Variants in VPS13B observed in about 807,000 individuals in gnomAD.
The protein encoded by VPS13B is intermembrane lipid transfer protein VPS13B.
VPS13B carries 285 observed loss-of-function variants against 426.4 expected under a neutral mutation model. The ratio of observed to expected loss-of-function variants is 0.67; its 90% CI spans 0.61 to 0.74. The LOEUF is 0.74. Ranked by LOEUF, VPS13B falls within the 30% of genes least tolerant of loss-of-function variation. The pLI is 0.00. For missense variants in VPS13B, 4,537 were observed against 4,782.6 expected (o/e 0.95, Z 1.51); for synonymous variants, 1,676 against 1,676.4 (o/e 1.00, Z 0.01).
chr8:99,384,134 A>G (rs761836970), intron 19 of VPS13B, 74 bp from the exon 20 acceptor site: 11 of 1,200,732 alleles, frequency 9.2e-6, no homozygotes, highest in African/African-American at 7.5e-5. Context: ...GCTATCCTAC[A>G]TGGTGTAAAG....
intron 31 of VPS13B, among the ~76,000 whole-genome samples, chr8:99,561,116 C>G (rs1824899217): frequency 6.6e-6 from 1 of 152,130 alleles, no homozygotes; most frequent in Non-Finnish European, 1.5e-5. Flanking sequence ...CAACTACCAC[C>G]TCTGTCTAGT....
At chr8:99,556,725 T>C in intron 31 of VPS13B, 72 bp downstream of exon 31, 2 of 1,519,878 alleles carry the variant, frequency 1.3e-6, no homozygotes, top group Non-Finnish European at 1.8e-6. Flanking sequence ...ATACAATCTT[T>C]AGCATGTCCA....
intron 35 of VPS13B, among the ~76,000 whole-genome samples, chr8:99,676,318 G>A (rs544319051): frequency 3.3e-5 from 5 of 152,064 alleles, no homozygotes; most frequent in Non-Finnish European, 7.4e-5. Flanking sequence ...GAAACCAAAG[G>A]CCTTGTAGAC....
chr8:99,687,507 G>T (rs79840876), intron 35 of VPS13B, among the ~76,000 whole-genome samples: 1 of 151,976 alleles, frequency 6.6e-6, no homozygotes, highest in Non-Finnish European at 1.5e-5. Flanking sequence ...CAGAACTCAG[G>T]TTCTGCCCAC....
chr8:99,249,287 A>AT (rs1259504562), intron 17 of VPS13B, among the ~76,000 whole-genome samples: 1 of 152,094 alleles, frequency 6.6e-6, no homozygotes, highest in African/African-American at 2.4e-5. Context: ...TGAAGGACAT[A>AT]TTTGTTGTTT....
intron 17 of VPS13B, among the ~76,000 whole-genome samples, chr8:99,229,929 A>G (rs1329716449): frequency 2.0e-5 from 3 of 152,212 alleles, no homozygotes; most frequent in Non-Finnish European, 4.4e-5. Flanking sequence ...TAATGCAAAT[A>G]TATCTTGACT....
intron 17 of VPS13B, chr8:99,233,040 T>C: frequency 8.8e-7 from 1 of 1,132,972 alleles, no homozygotes; most frequent in Admixed American, 1.8e-5. Context: ...CTGATGCCTG[T>C]GGGAGGCCTC....
Position 99,746,142 on chromosome 8 carries a change from C to T in VPS13B, c.7051-20632C>T, listed in dbSNP as rs966118479. 3.9e-5 allele frequency among the ~76,000 whole-genome samples: 6 copies of T among 152,074 alleles called. No homozygotes were observed. The East Asian group carries it at 1.2e-3, about 29-fold the overall frequency. ...GTGGCCCACTCTGTCTTTATAATAT[C>T]GTTTAACATGTTTATCTATTCCCCC... is the stretch of plus-strand genomic sequence containing the variant. On this transcript the variant is annotated intron_variant, in intron 39 of 61. Coordinates refer to ENST00000357162, the MANE Select transcript of VPS13B (RefSeq NM_152564.5).
chr8:99,635,025 G>A (rs1829013809), intron 33 of VPS13B, among the ~76,000 whole-genome samples: 1 of 150,836 alleles, frequency 6.6e-6, no homozygotes, highest in Non-Finnish European at 1.5e-5. Context: ...GCATGCGACA[G>A]CCTCTCCCAA....
chr8:99,342,642 C>T (rs1811315994), intron 19 of VPS13B, among the ~76,000 whole-genome samples: 1 of 152,036 alleles, frequency 6.6e-6, no homozygotes, highest in Non-Finnish European at 1.5e-5. Flanking sequence ...ATCAGTTTAT[C>T]CGTTGATAGC....
chr8:99,477,766 T>C (rs761159105), intron 24 of VPS13B, among the ~76,000 whole-genome samples: 1 of 152,232 alleles, frequency 6.6e-6, no homozygotes, highest in Non-Finnish European at 1.5e-5. Context: ...ACTGTCTGTC[T>C]ATGTTATTCC....
At chr8:99,777,027 G>A (rs1008721159) in intron 41 of VPS13B, 71 bp downstream of exon 41, 1 of 1,527,508 alleles carries the variant, frequency 6.5e-7, no homozygotes, top group African/African-American at 1.4e-5. Context: ...GTTTTCAAAA[G>A]AGAAGTCAAC....
intron 35 of VPS13B, among the ~76,000 whole-genome samples, chr8:99,692,965 G>A (rs1831755372): frequency 1.3e-5 from 2 of 149,440 alleles, no homozygotes; most frequent in Non-Finnish European, 3.0e-5. Flanking sequence ...TACATTCCTT[G>A]ACACATACAC....
intron 43 of VPS13B, among the ~76,000 whole-genome samples, chr8:99,794,819 C>T (rs1463439290): frequency 1.3e-5 from 2 of 152,114 alleles, no homozygotes; most frequent in African/African-American, 2.4e-5. Flanking sequence ...TAGATAAGCC[C>T]TTCTCTACTT....
At chr8:99,720,742 A>G in intron 38 of VPS13B, 121 bp from the exon 39 acceptor site, 1 of 1,153,120 alleles carries the variant, frequency 8.7e-7, no homozygotes, top group Non-Finnish European at 1.2e-6. Context: ...CAGAATATAT[A>G]TAAAAATGAC....
At chr8:99,462,297 CT>C (rs1484396539) in intron 23 of VPS13B, among the ~76,000 whole-genome samples, 1 of 151,958 alleles carries the variant, frequency 6.6e-6, no homozygotes, top group African/African-American at 2.4e-5. Context: ...ATCTTTTCAT[CT>C]TGTCCAATCA....
intron 30 of VPS13B, among the ~76,000 whole-genome samples, chr8:99,542,717 G>A (rs1157075722): frequency 1.3e-5 from 2 of 152,140 alleles, no homozygotes; most frequent in African/African-American, 4.8e-5. Context: ...ACAGTGCCAA[G>A]TACATAGTAA....
At chr8:99,664,607 G>A (rs1830390914) in intron 35 of VPS13B, among the ~76,000 whole-genome samples, 1 of 152,036 alleles carries the variant, frequency 6.6e-6, no homozygotes, top group South Asian at 2.1e-4. Context: ...TGAGAATGAT[G>A]TTTTCCAGTT....
At chr8:99,502,981 C>G in intron 27 of VPS13B, 31 bp downstream of exon 27, 1 of 1,502,098 alleles carries the variant, frequency 6.7e-7, no homozygotes, top group Non-Finnish European at 9.2e-7. Context: ...ATAAGAAAAT[C>G]TGTATTTTTC....
Sources: gnomAD v4.1 joint callset for allele counts (sites outside exome capture counted in the v4.1 genomes callset) on GRCh38, gnomAD v4.1.1 for gene constraint, MANE v1.5 for transcripts, NCBI Gene and HGNC (gene_info 2026-07-23, HGNC 2026-07-21) for gene names.